The following PES1 variants were observed in gnomAD, a reference collection of about 807,000 sequenced individuals.
PES1 encodes the protein pescadillo homolog.
Under a neutral mutation model 77.1 loss-of-function variants are expected in PES1, and 31 were observed. That is an observed-to-expected ratio of 0.40 (90% CI 0.30 to 0.54). PES1 has a LOEUF of 0.54. Among genes scored for constraint, PES1 ranks in the 20% least tolerant of loss-of-function variants. The probability of loss-of-function intolerance (pLI) is 0.45; values close to 1 mark genes in which losing one functional copy is unlikely to be tolerated. For synonymous variants in PES1, 282 were observed against 303.0 expected, an observed-to-expected ratio of 0.93 and a Z score of 0.72; for missense variants, 658 against 771.7, an observed-to-expected ratio of 0.85 and a Z score of 1.75.
intron 6 of PES1, among the ~76,000 whole-genome samples, chr22:30,583,441 C>T (rs1480335220): frequency 6.6e-6 from 1 of 152,240 alleles, no homozygotes. Context: ...ACTGGACCGG[C>T]AGCGGCTGCT....
At chr22:30,604,706 G>A (rs1440099622) in intron 2 of PES1, among the ~76,000 whole-genome samples, 2 of 151,972 alleles carry the variant, frequency 1.3e-5, no homozygotes, top group African/African-American at 2.4e-5. Context: ...GGCTTTAGAG[G>A]TCCCTGTTAT....
At chr22:30,588,451 G>A (rs908559185) in intron 2 of PES1, among the ~76,000 whole-genome samples, 4 of 152,176 alleles carry the variant, frequency 2.6e-5, no homozygotes, top group African/African-American at 9.7e-5. Context: ...AGTCCAGAAG[G>A]CTGGAAACAG....
intron 2 of PES1, among the ~76,000 whole-genome samples, chr22:30,603,584 G>C (rs1370422700): frequency 8.6e-5 from 13 of 151,916 alleles, no homozygotes; most frequent in Admixed American, 8.5e-4. Context: ...ATTTCACCCT[G>C]TTGGTCAGGC....
At chr22:30,592,547 A>T (rs955207155), upstream of PES1, 1 of 458,550 alleles carries the variant, frequency 2.2e-6, no homozygotes, top group Admixed American at 6.4e-5. Context: ...CTGTAATCCC[A>T]GCACTTTGGG....
upstream of PES1, chr22:30,592,324 C>T (rs1240155249): frequency 4.0e-6 from 4 of 990,428 alleles, no homozygotes; most frequent in Non-Finnish European, 4.8e-6. Flanking sequence ...AGAAGCGGTT[C>T]CCGAGGGGCA....
At chr22:30,598,003 C>T (rs1455814570) in intron 2 of PES1, among the ~76,000 whole-genome samples, 3 of 151,272 alleles carry the variant, frequency 2.0e-5, no homozygotes, top group African/African-American at 4.9e-5. Context: ...CCTGCCTCAG[C>T]CTCCCAAGTA....
At chr22:30,593,696 A>G (rs1208795444), upstream of PES1, among the ~76,000 whole-genome samples, 2 of 152,164 alleles carry the variant, frequency 1.3e-5, no homozygotes, top group Admixed American at 1.3e-4. Context: ...TGCTCACATT[A>G]ATGTTGAGGG....
chr22:30,606,818 G>A, exon 1 of PES1: 1 of 1,001,064 alleles, frequency 1.0e-6, no homozygotes, highest in Non-Finnish European at 1.2e-6. Flanking sequence ...CGTGACCACT[G>A]CAGCTGCAGC....
At chr22:30,597,821 C>T (rs1238417326) in intron 2 of PES1, among the ~76,000 whole-genome samples, 2 of 151,268 alleles carry the variant, frequency 1.3e-5, no homozygotes, top group African/African-American at 2.4e-5. Context: ...AGAATAAAAG[C>T]AGGCTGCCCG....
intron 2 of PES1, among the ~76,000 whole-genome samples, chr22:30,596,995 G>C (rs988439649): frequency 6.6e-6 from 1 of 152,236 alleles, no homozygotes; most frequent in Non-Finnish European, 1.5e-5. Flanking sequence ...GCAGTGAGGG[G>C]CTTAGCACCG....
At chr22:30,601,416 G>A (rs1443971253) in intron 2 of PES1, among the ~76,000 whole-genome samples, 1 of 152,160 alleles carries the variant, frequency 6.6e-6, no homozygotes, top group Non-Finnish European at 1.5e-5. Context: ...CTGGGTTCCA[G>A]CGATTCTCCT....
chr22:30,582,287 G>A (rs2087000461), intron 6 of PES1, among the ~76,000 whole-genome samples: 1 of 152,224 alleles, frequency 6.6e-6, no homozygotes, highest in Admixed American at 6.5e-5. Context: ...TCAGAATTGA[G>A]TGACTCCCTC....
exon 2 of PES1, chr22:30,605,502 C>G (rs765820651): frequency 2.2e-5 from 22 of 985,136 alleles, no homozygotes; most frequent in Non-Finnish European, 2.7e-5. Context: ...ATGGCCACCT[C>G]CTCCAGGCTG....
intron 1 of PES1, among the ~76,000 whole-genome samples, chr22:30,606,440 A>G (rs947306826): frequency 5.3e-5 from 8 of 151,994 alleles, no homozygotes; most frequent in African/African-American, 1.4e-4. Flanking sequence ...TTGTAGAGAC[A>G]GTGTTTCCCC....
Position 30,577,343 on chromosome 22 carries a change from A to C in PES1, c.1684-214T>G, listed in dbSNP as rs184934086. On this transcript the variant is annotated intron_variant, in intron 14 of 14. Transcript: ENST00000354694. ...TTCATGGGCCCACAAATCTCGAGATAAGAGAATCCTAAACTCCCAGAGCTG... is the reference window on the plus strand; with the variant it reads ...TTCATGGGCCCACAAATCTCGAGATCAGAGAATCCTAAACTCCCAGAGCTG... Among the ~76,000 whole-genome samples the C allele has an allele frequency of 4.8e-3, 725 of 152,326 alleles. 7 individuals carry two copies. The highest frequency in any genetic ancestry group is 8.2e-3 in the Non-Finnish European group (555 of 68,032).
At chr22:30,578,735 A>C in intron 14 of PES1, 102 bp downstream of exon 14, 1 of 1,307,916 alleles carries the variant, frequency 7.6e-7, no homozygotes. Flanking sequence ...AGGCTAGGAG[A>C]GCCTCAGTCT....
intron 2 of PES1, among the ~76,000 whole-genome samples, chr22:30,596,921 G>A (rs1569030526): frequency 1.3e-5 from 2 of 151,206 alleles, no homozygotes; most frequent in African/African-American, 4.8e-5. Context: ...TAGAGTTAAG[G>A]GTGGGCGTGA....
chr22:30,592,776 G>A (rs1007494316), upstream of PES1, among the ~76,000 whole-genome samples: 32 of 152,258 alleles, frequency 2.1e-4, no homozygotes, highest in Admixed American at 1.8e-3. Flanking sequence ...CAGCCTGGGC[G>A]ACAGAGTGAG....
intron 2 of PES1, chr22:30,605,395 ACT>A: frequency 9.5e-6 from 9 of 948,072 alleles, no homozygotes; most frequent in Non-Finnish European, 1.1e-5. Context: ...TCCCTCCTTT[ACT>A]TCGACACCCT....
Sources: allele counts gnomAD v4.1 joint callset (sites outside exome capture counted in the v4.1 genomes callset), GRCh38; gene constraint gnomAD v4.1.1; transcripts MANE v1.5; gene names NCBI Gene and HGNC (gene_info 2026-07-23, HGNC 2026-07-21).